CRB1: variants seen among roughly 807,000 people sequenced by gnomAD.
The protein encoded by CRB1 is protein crumbs homolog 1.
In CRB1, 83 loss-of-function variants were observed where a neutral mutation model predicts 120.0. The ratio of observed to expected loss-of-function variants is 0.69; its 90% CI spans 0.58 to 0.83. CRB1 has a LOEUF of 0.83. CRB1 is among the 40% of genes least tolerant of loss of function. CRB1 has a pLI of 0.00. For missense variants in CRB1, 1,699 were observed against 1,687.6 expected (o/e 1.01, Z -0.12); for synonymous variants, 625 against 612.5 (o/e 1.02, Z -0.30).
At chr1:197,336,169 A>G (rs963389770) in intron 2 of CRB1, among the ~76,000 whole-genome samples, 1 of 152,206 alleles carries the variant, frequency 6.6e-6, no homozygotes, top group Non-Finnish European at 1.5e-5. Flanking sequence ...CTTCTCCAAT[A>G]GTCCTCATCC....
intron 11 of CRB1, among the ~76,000 whole-genome samples, chr1:197,451,478 A>T (rs61829436): frequency 0.022 from 3,306 of 152,280 alleles, 58 homozygotes; most frequent in Non-Finnish European, 0.034. Flanking sequence ...ATAGTAAAGA[A>T]ATGTTTGAGA....
At chr1:197,237,961 T>A in the CRB1 span, among the ~76,000 whole-genome samples, 1 of 152,194 alleles carries the variant, frequency 6.6e-6, no homozygotes, top group Admixed American at 6.5e-5. Flanking sequence ...GAGACTTATC[T>A]TCTCTAATGA....
chr1:197,427,654 C>G lies in CRB1; in HGVS notation c.2329C>G (p.Pro777Ala), dbSNP rs750506922. Residue 777 changes from proline (P) to alanine (A), a missense_variant, in exon 7 of 12, where the codon CCA (proline) becomes GCA (alanine). Coordinates refer to ENST00000367400, the MANE Select transcript of CRB1 (RefSeq NM_201253.3). ...GCGCGGCAGACTAGCAATGCTGACTCCAAACTCTCCCAAATTAGTAGTAAA... is the reference window on the plus strand; with the variant it reads ...GCGCGGCAGACTAGCAATGCTGACTGCAAACTCTCCCAAATTAGTAGTAAA... ...LERGRLAMLT[P>A]NSPKLVVKFV... The G allele has an allele frequency of 7.4e-6, 12 of 1,613,922 alleles. No homozygotes were observed. The South Asian group carries it at 1.3e-4, about 18-fold the overall frequency.
chr1:197,418,460 G>A (rs1351445881), intron 5 of CRB1, among the ~76,000 whole-genome samples: 8 of 152,124 alleles, frequency 5.3e-5, no homozygotes, highest in Admixed American at 5.2e-4. Flanking sequence ...GCGTCTCTAA[G>A]AAAGATTATA....
In CRB1 at chr1:197,478,218, AT is replaced by A. The variant is rs1667285548; in HGVS notation, c.*343del. ...AACCTGGGAACAAATTTTAGTTTTC[AT>A]TTTAGGTTTCTGTACTTTCTGTAGT... On this transcript the variant is annotated 3_prime_UTR_variant, in exon 12 of 12. Transcript: ENST00000367400. 8.9e-6 allele frequency: 3 copies of A among 337,136 alleles called. No homozygotes were observed. The highest frequency in any genetic ancestry group is 1.7e-5 in the Non-Finnish European group (3 of 176,292). The allele number at this position is 337,136 out of a possible 1,614,324, so 20.9% of individuals were successfully genotyped here. A position where few individuals can be genotyped will look rare whatever the true frequency, so the allele number is the denominator to read the frequency against.
At chr1:197,335,720 G>A (rs1442166971) in intron 2 of CRB1, among the ~76,000 whole-genome samples, 3 of 152,100 alleles carry the variant, frequency 2.0e-5, no homozygotes, top group East Asian at 3.9e-4. Context: ...GGGTGGCCTC[G>A]ATCTCCGGAG....
At chr1:197,216,830 A>G in the CRB1 span, among the ~76,000 whole-genome samples, 1 of 152,150 alleles carries the variant, frequency 6.6e-6, no homozygotes, top group Non-Finnish European at 1.5e-5. Flanking sequence ...TTTGTGAGAA[A>G]CATTTACTCT....
intron 1 of CRB1, among the ~76,000 whole-genome samples, chr1:197,301,057 T>C (rs767972798): frequency 1.3e-5 from 2 of 152,082 alleles, no homozygotes; most frequent in Non-Finnish European, 2.9e-5. Flanking sequence ...AAAACATTAC[T>C]GCTCATTGAC....
At chr1:197,459,299 T>C (rs17562195) in intron 11 of CRB1, among the ~76,000 whole-genome samples, 7,056 of 152,228 alleles carry the variant, frequency 0.046, 240 homozygotes, top group Non-Finnish European at 0.07. Flanking sequence ...GTTTTGATTA[T>C]GTATGGCTAC....
chr1:197,425,173 A>T (rs1252708172), intron 6 of CRB1, among the ~76,000 whole-genome samples: 2 of 152,176 alleles, frequency 1.3e-5, no homozygotes, highest in Non-Finnish European at 2.9e-5. Flanking sequence ...TTTCTTATTA[A>T]GCATTTTATC....
chr1:197,219,621 AGAG>A, the CRB1 span, among the ~76,000 whole-genome samples: 3 of 152,262 alleles, frequency 2.0e-5, no homozygotes, highest in Non-Finnish European at 4.4e-5. Flanking sequence ...GCGAATACGC[AGAG>A]GAGTAAGATT....
At chr1:197,320,355 A>G (rs1163559627) in intron 1 of CRB1, among the ~76,000 whole-genome samples, 2 of 152,160 alleles carry the variant, frequency 1.3e-5, no homozygotes, top group African/African-American at 2.4e-5. Context: ...TTATTAGGCT[A>G]TTCAGTGTGT....
chr1:197,295,423 G>T (rs1425845243), intron 1 of CRB1, among the ~76,000 whole-genome samples: 1 of 152,018 alleles, frequency 6.6e-6, no homozygotes, highest in East Asian at 1.9e-4. Flanking sequence ...TATCCAGCAG[G>T]TTAGAGCAAT....
At chr1:197,323,374 T>C (rs757709162) in intron 1 of CRB1, among the ~76,000 whole-genome samples, 1 of 152,224 alleles carries the variant, frequency 6.6e-6, no homozygotes, top group African/African-American at 2.4e-5. Context: ...CGTTGATCGA[T>C]TCTGCAAAAC....
intron 11 of CRB1, among the ~76,000 whole-genome samples, chr1:197,474,748 ACT>A (rs369588610): frequency 6.6e-6 from 1 of 152,148 alleles, no homozygotes; most frequent in African/African-American, 2.4e-5. Context: ...GGCACTCCCA[ACT>A]CTCTCATCCA....
At chr1:197,231,261 AG>A in the CRB1 span, among the ~76,000 whole-genome samples, 1 of 152,234 alleles carries the variant, frequency 6.6e-6, no homozygotes, top group Non-Finnish European at 1.5e-5. Flanking sequence ...AATTATTTTT[AG>A]GGTTGCCCAG....
the CRB1 span, among the ~76,000 whole-genome samples, chr1:197,229,284 T>C: frequency 2.0e-5 from 3 of 152,166 alleles, no homozygotes; most frequent in Non-Finnish European, 2.9e-5. Context: ...AAAAGTATTT[T>C]ATGAGATTAG....
chr1:197,435,562 T>C lies in CRB1; in HGVS notation c.3699T>C (p.Thr1233=), dbSNP rs780188302. ...ATGGAGCCACCTGCATTAGTCATAC[T>C]AATGGCTATTCTTGCCTCTGTTTTG... ...CANGATCISH[T]NGYSCLCFGN... The change falls in exon 9 of 12, where the codon ACT becomes ACC. Residue 1233 remains threonine (T), a synonymous_variant. Transcript: ENST00000367400. 1 of 1,613,514 alleles carries C rather than the reference T, an allele frequency of 6.2e-7. No homozygotes were observed. The highest frequency in any genetic ancestry group is 8.5e-7 in the Non-Finnish European group (1 of 1,179,686).
At chr1:197,362,757 C>T (rs1660841449) in intron 5 of CRB1, among the ~76,000 whole-genome samples, 2 of 152,072 alleles carry the variant, frequency 1.3e-5, no homozygotes, top group South Asian at 4.1e-4. Flanking sequence ...CCACTTATGT[C>T]ATTAAATTTG....
Sources: allele counts gnomAD v4.1 joint callset (sites outside exome capture counted in the v4.1 genomes callset), GRCh38; gene constraint gnomAD v4.1.1; transcripts MANE v1.5; gene names NCBI Gene and HGNC (gene_info 2026-07-23, HGNC 2026-07-21).